C17orf99: variants seen among roughly 807,000 people sequenced by gnomAD.
The protein encoded by C17orf99 is chromosome 17 open reading frame 99, also known as protein IL-40.
Under a neutral mutation model 22.6 loss-of-function variants are expected in C17orf99, and 18 were observed. That is an observed-to-expected ratio of 0.80 (90% CI 0.55 to 1.18). C17orf99 has a LOEUF of 1.18. C17orf99 is among the 50% of genes most tolerant of loss of function. C17orf99 has a pLI of 0.00. For missense variants in C17orf99, 328 were observed against 342.7 expected, an observed-to-expected ratio of 0.96 and a Z score of 0.34; for synonymous variants, 147 against 136.6, an observed-to-expected ratio of 1.08 and a Z score of -0.53.
At chr17:78,157,775 C>T (rs1015844876) in intron 2 of C17orf99, 27 of 581,388 alleles carry the variant, frequency 4.6e-5, no homozygotes, top group African/African-American at 4.0e-4. Flanking sequence ...CCAGCCTGGG[C>T]GACAGAGCGT....
At chr17:78,162,241 A>G (rs558273347) in intron 3 of C17orf99, among the ~76,000 whole-genome samples, 148 of 149,302 alleles carry the variant, frequency 9.9e-4, no homozygotes, top group African/African-American at 3.3e-3. Context: ...GTGCTGCTGC[A>G]TGCCAGCCTG....
At chr17:78,148,847 C>T (rs1267238223) in intron 2 of C17orf99, among the ~76,000 whole-genome samples, 2 of 152,044 alleles carry the variant, frequency 1.3e-5, no homozygotes, top group Non-Finnish European at 2.9e-5. Context: ...TACCCTTGGC[C>T]GAGGTCATTT....
intron 3 of C17orf99, among the ~76,000 whole-genome samples, chr17:78,161,801 G>A (rs572069228): frequency 4.2e-4 from 62 of 148,916 alleles, no homozygotes; most frequent in South Asian, 2.1e-3. Flanking sequence ...CCAAGATTGC[G>A]CCACTGTACT....
At chr17:78,165,634 C>T in intron 4 of C17orf99, 1 of 918,988 alleles carries the variant, frequency 1.1e-6, no homozygotes, top group Non-Finnish European at 1.3e-6. Flanking sequence ...GAAACCCCGT[C>T]TCTACTAAAA....
intron 2 of C17orf99, among the ~76,000 whole-genome samples, chr17:78,149,273 A>G (rs1217489978): frequency 3.6e-5 from 5 of 138,572 alleles, no homozygotes; most frequent in African/African-American, 1.4e-4. Flanking sequence ...CGGAGGTTGC[A>G]GTGAACCAAG....
intron 2 of C17orf99, among the ~76,000 whole-genome samples, chr17:78,149,797 C>T (rs140404731): frequency 3.3e-5 from 5 of 151,520 alleles, no homozygotes; most frequent in African/African-American, 1.2e-4. Context: ...GCAACCTCCA[C>T]CTCCCAGGTT....
Position 78,164,274 on chromosome 17 carries a change from T to A in C17orf99, c.550T>A (p.Phe184Ile). 6.4e-7 allele frequency: 1 copy of A among 1,551,532 alleles called. No individual in the cohort carries two copies. Among genetic ancestry groups the A allele is most frequent in the South Asian group, 1.2e-5 (1 of 84,070 alleles). Residue 184 changes from phenylalanine (F) to isoleucine (I), a missense_variant, in exon 4 of 5, where the codon TTC (phenylalanine) becomes ATC (isoleucine). Coordinates refer to ENST00000340363, the MANE Select transcript of C17orf99 (RefSeq NM_001163075.2). The stretch of plus-strand genomic sequence containing the variant: ...CCACAGGCAGCCTGCCAACTTCTCC[T>A]TCCTGCCGAGCCAGACATCGGACTG... The part of the protein sequence containing the change: ...PCHRQPANFS[F>I]LPSQTSDWFW...
chr17:78,151,832 G>C (rs769857253), intron 2 of C17orf99, among the ~76,000 whole-genome samples: 1 of 152,150 alleles, frequency 6.6e-6, no homozygotes, highest in Non-Finnish European at 1.5e-5. Context: ...CTTAACGGAC[G>C]GCGGCTTATT....
chr17:78,160,547 A>AAAAGAGAG lies in C17orf99; in HGVS notation c.71-407_71-406insAAGAGAGA, dbSNP rs200813163. ...CAAGACTCCATCTAAAAAAAAAAAA[A>AAAAGAGAG]AGAGAGAGAGAGAGAGAACATGCTA... On this transcript the variant is annotated intron_variant, in intron 2 of 4. Transcript: ENST00000340363. Among the ~76,000 whole-genome samples, 4 of 143,518 alleles carry AAAAGAGAG rather than the reference A, an allele frequency of 2.8e-5. No homozygotes were observed. The East Asian group carries it at 6.5e-4, about 23-fold the overall frequency. The allele number at this position is 143,518 out of a possible 152,430, so 94.2% of individuals were successfully genotyped here. A position where few individuals can be genotyped will look rare whatever the true frequency, so the allele number is the denominator to read the frequency against.
chr17:78,160,550 AG>A (rs1401792545), intron 2 of C17orf99, among the ~76,000 whole-genome samples: 1 of 109,520 alleles, frequency 9.1e-6, no homozygotes, highest in Non-Finnish European at 2.0e-5. Flanking sequence ...AAAAAAAAAG[AG>A]AGAGAGAGAG....
Position 78,146,852 on chromosome 17 carries a change from TC to T in C17orf99, c.38-25del. 3 of 1,550,574 alleles carry T rather than the reference TC, an allele frequency of 1.9e-6. No individual in the cohort carries two copies. The highest frequency in any genetic ancestry group is 2.6e-6 in the Non-Finnish European group (3 of 1,146,170). ...GGTCTCCCCTCCACACCAGGCCCTC[TC>T]CTTATCGCCCTTACCTCTCTTACAG... On this transcript the variant is annotated intron_variant, in intron 1 of 4. Transcript: ENST00000340363. This position sits in a 1 kb window ranked among gnomAD's most constrained non-coding sequence, Gnocchi z 5.2.
At chr17:78,152,820 G>A (rs1598943439) in intron 2 of C17orf99, among the ~76,000 whole-genome samples, 1 of 151,880 alleles carries the variant, frequency 6.6e-6, no homozygotes, top group South Asian at 2.1e-4. Context: ...GGTGGCTCAC[G>A]CCTATAATCC....
At position 78,164,188 on chromosome 17, in the gene C17orf99, C is replaced by T; in HGVS notation, c.464C>T (p.Pro155Leu). 1.9e-6 allele frequency: 3 copies of T among 1,551,634 alleles called. No individual in the cohort carries two copies. Among genetic ancestry groups the T allele is most frequent in the Non-Finnish European group, 2.6e-6 (3 of 1,147,006 alleles). The change falls in exon 4 of 5, where the codon CCA becomes CTA. Residue 155 changes from proline to leucine, a missense_variant. By Grantham distance (98) the Pro-to-Leu change is moderately conservative. Coordinates refer to ENST00000340363, the MANE Select transcript of C17orf99 (RefSeq NM_001163075.2). ...ATCTGCCAGGCGTCCTCGGGCAGCC[C>T]ACCTATCACCAACAGCCTGATCGGG... ...EMICQASSGS[P>L]PITNSLIGKD...
intron 2 of C17orf99, among the ~76,000 whole-genome samples, chr17:78,151,396 C>G (rs57952858): frequency 0.041 from 5,370 of 130,168 alleles, 221 homozygotes; most frequent in Admixed American, 0.15. Flanking sequence ...TGCACTCCAG[C>G]CTGAGCGACA....
rs1014378396 is a variant in C17orf99 at position 78,166,159 on chromosome 17, A to AG, written c.*113_*114insG. On this transcript the variant is annotated 3_prime_UTR_variant, in exon 5 of 5. Coordinates refer to ENST00000340363, the MANE Select transcript of C17orf99 (RefSeq NM_001163075.2). ...GTGTTTTAGCTGCTCTTGCCACAAA[A>AG]AAAAAAAAAAAAAAAAAAGGGTAAC... 4 of 267,408 alleles carry AG rather than the reference A, an allele frequency of 1.5e-5. No individual in the cohort carries two copies. Among genetic ancestry groups the AG allele is most frequent in the Non-Finnish European group, 2.9e-5 (4 of 138,064 alleles). The allele number at this position is 267,408 out of a possible 1,614,324, so 16.6% of individuals were successfully genotyped here.
At chr17:78,157,857 G>T (rs1358540166) in intron 2 of C17orf99, 2 of 984,702 alleles carry the variant, frequency 2.0e-6, no homozygotes, top group Admixed American at 3.7e-5. Flanking sequence ...GGCCGGCCAC[G>T]TAAGATCGTC....
chr17:78,149,057 C>T (rs1239407900), intron 2 of C17orf99, among the ~76,000 whole-genome samples: 2 of 152,056 alleles, frequency 1.3e-5, no homozygotes, highest in Admixed American at 6.5e-5. Context: ...CCAAGCCGGG[C>T]GCAGCTGCTC....
At position 78,157,445 on chromosome 17, in the gene C17orf99, C is replaced by T. The variant is rs1423728847; in HGVS notation, c.71-3510C>T. ...TTAAAATGGCAGATGATTTGGACTTCGAGACAGGAGATGCAGGGCCTCAGC... is the reference window on the plus strand; with the variant it reads ...TTAAAATGGCAGATGATTTGGACTTTGAGACAGGAGATGCAGGGCCTCAGC... On this transcript the variant is annotated intron_variant, in intron 2 of 4. Transcript: ENST00000340363. The T allele has an allele frequency of 1.2e-5, 15 of 1,304,274 alleles. No homozygotes were observed. In the East Asian group the frequency reaches 1.5e-4, roughly 13 times the overall value. The allele number at this position is 1,304,274 out of a possible 1,614,324, so 80.8% of individuals were successfully genotyped here.
At chr17:78,165,402 G>C (rs2075610118) in intron 4 of C17orf99, 1 of 985,402 alleles carries the variant, frequency 1.0e-6, no homozygotes. Flanking sequence ...TCACCTCGCC[G>C]AGCCTCAGTT....
Sources: gnomAD v4.1 joint callset for allele counts (sites outside exome capture counted in the v4.1 genomes callset) on GRCh38, gnomAD v4.1.1 for gene constraint, Gnocchi (gnomAD v3.1) non-coding constraint, MANE v1.5 for transcripts, NCBI Gene and HGNC (gene_info 2026-07-23, HGNC 2026-07-21) for gene names.